ZNF333: variants seen among roughly 807,000 people sequenced by gnomAD.
The protein encoded by ZNF333 is zinc finger protein 333.
In ZNF333, 61 loss-of-function variants were observed where a neutral mutation model predicts 76.1. The observed-to-expected ratio is 0.80, with a 90% CI of 0.65 to 0.99. The LOEUF (loss-of-function observed/expected upper bound fraction) is 0.99. Among genes scored for constraint, ZNF333 ranks in the 50% least tolerant of loss-of-function variants. The probability of loss-of-function intolerance (pLI) is 0.00; values close to 1 mark genes in which losing one functional copy is unlikely to be tolerated. For missense variants in ZNF333, 717 were observed against 822.4 expected, an observed-to-expected ratio of 0.87 and a Z score of 1.57; for synonymous variants, 284 against 305.0, an observed-to-expected ratio of 0.93 and a Z score of 0.72.
chr19:14,717,557 G>GA (rs1317266947), intron 10 of ZNF333, 100 bp from the exon 11 acceptor site: 9 of 1,023,034 alleles, frequency 8.8e-6, no homozygotes, highest in Admixed American at 1.8e-5. Context: ...CAGTATTTGG[G>GA]AAAAAAAGTC....
rs1161489595 is a variant in ZNF333, at chr19:14,719,282, C to T, written c.1955C>T (p.Pro652Leu). ...GAGACCATTAGGAATGGCAGCCTGCCTTTATCCATGTCTCATCCATACTGT... is the reference window on the plus strand; with the variant it reads ...GAGACCATTAGGAATGGCAGCCTGCTTTTATCCATGTCTCATCCATACTGT... ...GRETIRNGSLPLSMSHPYCGP... is the reference protein window; with the variant it reads ...GRETIRNGSLLLSMSHPYCGP... The change falls in exon 12 of 12, where the codon CCT becomes CTT. Residue 652 changes from proline (P) to leucine (L), a missense_variant. Coordinates refer to ENST00000292530, the MANE Select transcript of ZNF333 (RefSeq NM_032433.4). The T allele has an allele frequency of 6.2e-7, 1 of 1,614,022 alleles. No individual in the cohort carries two copies.
rs1321496221 is a variant in ZNF333, at chr19:14,693,937, G to GACC, written c.3+444_3+446dup. Among the ~76,000 whole-genome samples the GACC allele has an allele frequency of 2.1e-5, 3 of 143,408 alleles. No individual in the cohort carries two copies. The East Asian group carries it at 6.2e-4, about 30-fold the overall frequency. The allele number at this position is 143,408 out of a possible 152,430, so 94.1% of individuals were successfully genotyped here. A position where few individuals can be genotyped will look rare whatever the true frequency, so the allele number is the denominator to read the frequency against. Reference sequence around the variant, plus strand: ...TGAGGCTGCATTGAGCTAGGATTGTGACCCTGCACTCCAGCCTAAGCTACA... The same window carrying GACC: ...TGAGGCTGCATTGAGCTAGGATTGTGACCACCCTGCACTCCAGCCTAAGCTACA... On this transcript the variant is annotated intron_variant, in intron 2 of 11. Coordinates refer to ENST00000292530, the MANE Select transcript of ZNF333 (RefSeq NM_032433.4).
At chr19:14,730,478 T>C (rs2042661593) in intron 11 of ZNF333, among the ~76,000 whole-genome samples, 1 of 151,642 alleles carries the variant, frequency 6.6e-6, no homozygotes. Flanking sequence ...CACTTTTTTC[T>C]TTTTCTTTCT....
chr19:14,725,747 T>C (rs11670658), downstream of ZNF333, among the ~76,000 whole-genome samples: 84,537 of 152,158 alleles, frequency 0.56, 23,880 homozygotes, highest in East Asian at 0.76. Context: ...GTGCAAGATA[T>C]GGGATCTCAA....
At chr19:14,710,914 G>A (rs2042255131) in intron 7 of ZNF333, among the ~76,000 whole-genome samples, 1 of 152,120 alleles carries the variant, frequency 6.6e-6, no homozygotes, top group African/African-American at 2.4e-5. Context: ...GTCAGAAGGG[G>A]AAGGGAAGCC....
At chr19:14,727,988 T>G (rs2042644108) in intron 11 of ZNF333, among the ~76,000 whole-genome samples, 2 of 152,194 alleles carry the variant, frequency 1.3e-5, no homozygotes, top group South Asian at 4.1e-4. Flanking sequence ...TTTGGGAGGC[T>G]GAGACAGGTG....
intron 5 of ZNF333, among the ~76,000 whole-genome samples, chr19:14,703,387 TCAGCC>T (rs2042019313): frequency 6.6e-6 from 1 of 152,036 alleles, no homozygotes; most frequent in Admixed American, 6.6e-5. Flanking sequence ...CCAGACCATA[TCAGCC>T]CAGTACATAT....
intron 9 of ZNF333, among the ~76,000 whole-genome samples, chr19:14,716,731 C>T (rs1043908417): frequency 1.3e-5 from 2 of 152,228 alleles, no homozygotes; most frequent in African/African-American, 2.4e-5. Flanking sequence ...CTTTCTGTGA[C>T]TAAAAGTTTT....
rs2042540034 is a variant in ZNF333, at chr19:14,719,380, T to G, written c.*55T>G. ...GGGCTATGACTTTCCCTCGTAATACTCCTTTAGCTGCATCCTGTGTTTCAA... is the reference window on the plus strand; with the variant it reads ...GGGCTATGACTTTCCCTCGTAATACGCCTTTAGCTGCATCCTGTGTTTCAA... On this transcript the variant is annotated 3_prime_UTR_variant, in exon 12 of 12. Transcript: ENST00000292530. 1 of 1,496,676 alleles carries G rather than the reference T, an allele frequency of 6.7e-7. No homozygotes were observed. The highest frequency in any genetic ancestry group is 8.9e-7 in the Non-Finnish European group (1 of 1,117,782). 92.7% of individuals were successfully genotyped at this position (1,496,676 alleles called of 1,614,324 possible).
chr19:14,713,477 A>G (rs1272348510), intron 7 of ZNF333, among the ~76,000 whole-genome samples: 1 of 152,134 alleles, frequency 6.6e-6, no homozygotes, highest in Non-Finnish European at 1.5e-5. Context: ...GGGCTTCATC[A>G]TGAAGTTTGG....
At chr19:14,717,618 C>T (rs1193268643) in intron 10 of ZNF333, 39 bp from the exon 11 acceptor site, 1 of 1,579,760 alleles carries the variant, frequency 6.3e-7, no homozygotes, top group South Asian at 1.1e-5. Flanking sequence ...CAGTTTCTTT[C>T]TCTGTGTGCT....
At chr19:14,718,128 C>A in intron 11 of ZNF333, 100 bp from the exon 12 acceptor site, 2 of 1,455,866 alleles carry the variant, frequency 1.4e-6, no homozygotes, top group Non-Finnish European at 9.1e-7. Flanking sequence ...GTAAAAGTAT[C>A]AGATATAGAA....
At position 14,695,083 on chromosome 19, in the gene ZNF333, G is replaced by C; in HGVS notation, c.77G>C (p.Ser26Thr). The change falls in exon 3 of 12, where the codon AGC becomes ACC. Residue 26 changes from serine (S) to threonine (T), a missense_variant. By Grantham distance (58) the Ser-to-Thr change is moderately conservative. Coordinates refer to ENST00000292530, the MANE Select transcript of ZNF333 (RefSeq NM_032433.4). ...GCATTGCTGGACAGCGCACGGAGGA[G>C]CCTGTGCAAATACAGGATGCTTGAC... ...EWALLDSARRSLCKYRMLDQC... is the reference protein window; with the variant it reads ...EWALLDSARRTLCKYRMLDQC... 6.2e-7 allele frequency: 1 copy of C among 1,614,118 alleles called. No individual in the cohort carries two copies. The highest frequency in any genetic ancestry group is 8.5e-7 in the Non-Finnish European group (1 of 1,179,978).
At chr19:14,731,069 C>A in intron 11 of ZNF333, 1 of 954,916 alleles carries the variant, frequency 1.0e-6, no homozygotes, top group Non-Finnish European at 1.6e-6. Context: ...CTGCCCTGGT[C>A]TCAAGCACCG....
At chr19:14,693,418 CCTT>C in intron 1 of ZNF333, 30 bp from the exon 2 acceptor site, 2 of 1,549,002 alleles carry the variant, frequency 1.3e-6, no homozygotes, top group Non-Finnish European at 1.8e-6. Flanking sequence ...CGTCCTCACC[CCTT>C]CTTTTACCTC....
At chr19:14,692,961 G>A (rs2146944675) in intron 1 of ZNF333, among the ~76,000 whole-genome samples, 1 of 150,774 alleles carries the variant, frequency 6.6e-6, no homozygotes, top group African/African-American at 2.4e-5. Context: ...CGAGCAGCTG[G>A]GATTACAGGC....
At chr19:14,732,992 C>T (rs761651775) in exon 12 of ZNF333, 1 of 152,186 alleles carries the variant, frequency 6.6e-6, no homozygotes, top group Non-Finnish European at 1.5e-5. Flanking sequence ...GATATGGGCT[C>T]TACACTCATA....
intron 10 of ZNF333, chr19:14,717,316 A>G: frequency 1.9e-6 from 1 of 539,442 alleles, no homozygotes. Context: ...CTTCATATTT[A>G]ATATTTCCAT....
chr19:14,698,931 T>TAGATAGATAGATAG (rs1187342140), intron 4 of ZNF333, among the ~76,000 whole-genome samples: 10 of 140,252 alleles, frequency 7.1e-5, no homozygotes, highest in South Asian at 4.4e-4. Flanking sequence ...TATATATATA[T>TAGATAGATAGATAG]ATATACACAC....
Sources: gnomAD v4.1 joint callset for allele counts (sites outside exome capture counted in the v4.1 genomes callset) on GRCh38, gnomAD v4.1.1 for gene constraint, MANE v1.5 for transcripts, NCBI Gene and HGNC (gene_info 2026-07-23, HGNC 2026-07-21) for gene names.